Variants in MRAS observed in about 807,000 individuals in gnomAD.
MRAS encodes the protein muscle RAS oncogene homolog, also known as ras-related protein M-Ras.
In MRAS, 4 loss-of-function variants were observed where a neutral mutation model predicts 20.9. The ratio of observed to expected loss-of-function variants is 0.19; its 90% CI spans 0.09 to 0.44. MRAS has a LOEUF of 0.44. Among genes scored for constraint, MRAS ranks in the 20% least tolerant of loss-of-function variants. The pLI is 0.99. For synonymous variants in MRAS, 98 were observed against 102.9 expected (o/e 0.95, Z 0.29); for missense variants, 154 against 277.5 (o/e 0.56, Z 3.16).
At chr3:138,354,724 T>C (rs936516108) in intron 1 of MRAS, among the ~76,000 whole-genome samples, 1 of 152,216 alleles carries the variant, frequency 6.6e-6, no homozygotes, top group East Asian at 1.9e-4. Context: ...GTTTGTATGT[T>C]TGGAAGACAG....
intron 1 of MRAS, among the ~76,000 whole-genome samples, chr3:138,357,802 C>T (rs1270277863): frequency 6.6e-6 from 1 of 152,180 alleles, no homozygotes; most frequent in African/African-American, 2.4e-5. Context: ...GAGTTGTCTG[C>T]AGCCCAGATC....
At chr3:138,356,640 AG>A (rs2054340395) in intron 1 of MRAS, among the ~76,000 whole-genome samples, 1 of 152,206 alleles carries the variant, frequency 6.6e-6, no homozygotes, top group African/African-American at 2.4e-5. Context: ...AGATGATAGA[AG>A]GAGGGTGGGA....
chr3:138,352,361 G>A (rs1286526031), intron 1 of MRAS, among the ~76,000 whole-genome samples: 1 of 152,194 alleles, frequency 6.6e-6, no homozygotes, highest in East Asian at 1.9e-4. Flanking sequence ...CATTTAGCTG[G>A]CCAGCATGAT....
chr3:138,394,118 G>A (rs935957640), intron 2 of MRAS, among the ~76,000 whole-genome samples: 1 of 150,436 alleles, frequency 6.6e-6, no homozygotes, highest in Non-Finnish European at 1.5e-5. Flanking sequence ...AAAAGCTGCA[G>A]TCCCTCCAGT....
rs2055411891 is a variant in MRAS at position 138,404,112 on chromosome 3, G to A, written c.*1843G>A. The A allele has an allele frequency of 2.0e-5, 3 of 152,186 alleles. No homozygotes were observed. The highest frequency in any genetic ancestry group is 6.5e-5 in the Admixed American group (1 of 15,274). 9.4% of individuals were successfully genotyped at this position (152,186 alleles called of 1,614,324 possible). On this transcript the variant is annotated 3_prime_UTR_variant, in exon 6 of 6. Coordinates refer to ENST00000423968, the MANE Select transcript of MRAS (RefSeq NM_001085049.3). ...CTTCAAAGTTTCCTTAGACCCTATA[G>A]TGTTAAGAGGTATTTTAAACACTAA...
rs1316985875 is a variant in MRAS, at chr3:138,405,393, G to A, written c.*3124G>A. 6.5e-6 allele frequency: 1 copy of A among 152,686 alleles called. No individual in the cohort carries two copies. Among genetic ancestry groups the A allele is most frequent in the Non-Finnish European group, 1.5e-5 (1 of 68,052 alleles). 9.5% of individuals were successfully genotyped at this position (152,686 alleles called of 1,614,324 possible). ...ATTATTGTGCGCCTGTGAGCGCCCA[G>A]CTTCTGTTTCATAGTCTTAACAGGT... On this transcript the variant is annotated 3_prime_UTR_variant, in exon 6 of 6. Transcript: ENST00000423968.
intron 2 of MRAS, among the ~76,000 whole-genome samples, chr3:138,391,319 C>T (rs935321322): frequency 6.6e-6 from 1 of 152,160 alleles, no homozygotes; most frequent in African/African-American, 2.4e-5. Context: ...CTTCAATTCT[C>T]AACTGTGATT....
chr3:138,356,066 C>T (rs936145602), intron 1 of MRAS, among the ~76,000 whole-genome samples: 2 of 152,188 alleles, frequency 1.3e-5, no homozygotes, highest in South Asian at 2.1e-4. Context: ...CAATGGAAGC[C>T]GTACCAGTGA....
At chr3:138,382,358 T>C (rs1407692603) in intron 2 of MRAS, among the ~76,000 whole-genome samples, 1 of 152,222 alleles carries the variant, frequency 6.6e-6, no homozygotes, top group African/African-American at 2.4e-5. Context: ...ACCAGACTTT[T>C]CTTGAAGGCC....
At chr3:138,400,131 C>G (rs2055329075) in intron 4 of MRAS, 1 of 164,726 alleles carries the variant, frequency 6.1e-6, no homozygotes, top group South Asian at 1.6e-4. Flanking sequence ...CCTTTTCTAC[C>G]ACGTCCACTC....
intron 1 of MRAS, among the ~76,000 whole-genome samples, chr3:138,371,143 G>A (rs1002765551): frequency 7.2e-5 from 11 of 152,132 alleles, no homozygotes; most frequent in Admixed American, 3.9e-4. Context: ...ATATATTTAC[G>A]CAAGTGTATT....
rs527501922 is a variant in MRAS at position 138,375,408 on chromosome 3, A to G, written c.193+2332A>G. Among the ~76,000 whole-genome samples, 19 of 152,296 alleles carry G rather than the reference A, an allele frequency of 1.2e-4. No individual in the cohort carries two copies. The East Asian group carries it at 3.5e-3, about 28-fold the overall frequency. On this transcript the variant is annotated intron_variant, in intron 2 of 5. Transcript: ENST00000423968. The stretch of plus-strand genomic sequence containing the variant: ...GGCCTCATAGAACGAGTTTTATTCA[A>G]TTTTCTGGAAGAGTTTGAGTTAAAT...
intron 3 of MRAS, 28 bp from the exon 4 acceptor site, chr3:138,398,441 A>G (rs1263198297): frequency 6.2e-7 from 1 of 1,602,248 alleles, no homozygotes; most frequent in Non-Finnish European, 8.6e-7. Context: ...TGGAAACCTC[A>G]CAGAGCTGCT....
At chr3:138,389,485 G>T (rs1263950246) in intron 2 of MRAS, among the ~76,000 whole-genome samples, 1 of 149,774 alleles carries the variant, frequency 6.7e-6, no homozygotes, top group African/African-American at 2.5e-5. Flanking sequence ...CTGGAAGGCG[G>T]CTGGGACAGC....
intron 1 of MRAS, chr3:138,349,432 C>T (rs940553968): frequency 3.3e-5 from 5 of 152,324 alleles, no homozygotes; most frequent in African/African-American, 1.2e-4. Context: ...CTAGGGGTCC[C>T]TACTGCAGAG....
intron 2 of MRAS, among the ~76,000 whole-genome samples, chr3:138,394,284 C>T (rs1245424534): frequency 6.6e-6 from 1 of 152,088 alleles, no homozygotes; most frequent in East Asian, 1.9e-4. Flanking sequence ...CGGAGCCCCG[C>T]CCCTCATTTC....
chr3:138,368,909 G>A (rs1371030977), intron 1 of MRAS, among the ~76,000 whole-genome samples: 2 of 152,140 alleles, frequency 1.3e-5, no homozygotes, highest in Non-Finnish European at 1.5e-5. Context: ...GGGGGGGGCC[G>A]GAGAAACATG....
At chr3:138,397,545 CTCTCTCTT>C in intron 3 of MRAS, 68 bp downstream of exon 3, 1 of 1,541,264 alleles carries the variant, frequency 6.5e-7, no homozygotes, top group Non-Finnish European at 8.9e-7. Flanking sequence ...CGCTCTCTCT[CTCTCTCTT>C]TCTCTTTCTC....
chr3:138,372,918 C>T lies in MRAS; in HGVS notation c.35C>T (p.Pro12Leu). The T allele has an allele frequency of 6.4e-7, 1 of 1,550,506 alleles. No individual in the cohort carries two copies. The highest frequency in any genetic ancestry group is 8.7e-7 in the Non-Finnish European group (1 of 1,155,456). Reference sequence around the variant, plus strand: ...AGCGCCGTCCCCAGTGACAACCTCCCCACATACAAGCTGGTGGTGGTGGGG... The same window carrying T: ...AGCGCCGTCCCCAGTGACAACCTCCTCACATACAAGCTGGTGGTGGTGGGG... Reference protein sequence around the residue: ...ATSAVPSDNLPTYKLVVVGDG... With the variant: ...ATSAVPSDNLLTYKLVVVGDG... The change falls in exon 2 of 6, where the codon CCC becomes CTC. Residue 12 changes from proline (P) to leucine (L), a missense_variant. Pro to Leu is a moderately conservative substitution (Grantham distance 98). Transcript: ENST00000423968.
Sources: allele counts gnomAD v4.1 joint callset (sites outside exome capture counted in the v4.1 genomes callset), GRCh38; gene constraint gnomAD v4.1.1; transcripts MANE v1.5; gene names NCBI Gene and HGNC (gene_info 2026-07-23, HGNC 2026-07-21).